POU6F2: variants seen among roughly 807,000 people sequenced by gnomAD.
The protein encoded by POU6F2 is POU domain, class 6, transcription factor 2.
A neutral mutation model predicts 71.3 loss-of-function variants in POU6F2; 31 were observed. The ratio of observed to expected loss-of-function variants is 0.43; its 90% CI spans 0.33 to 0.59. The LOEUF is 0.59. Ranked by LOEUF, POU6F2 falls within the 20% of genes least tolerant of loss-of-function variation. The probability of loss-of-function intolerance (pLI) is 0.04; values close to 1 mark genes in which losing one functional copy is unlikely to be tolerated. For missense variants in POU6F2, 783 were observed against 856.8 expected (o/e 0.91, Z 1.07); for synonymous variants, 347 against 355.7 (o/e 0.98, Z 0.27).
At chr7:39,221,104 G>T (rs2128748362) in intron 4 of POU6F2, among the ~76,000 whole-genome samples, 1 of 151,956 alleles carries the variant, frequency 6.6e-6, no homozygotes, top group African/African-American at 2.4e-5. Flanking sequence ...TGCATGGGTG[G>T]CTCCCATTTG....
At chr7:39,049,812 T>A (rs1035665119) in intron 1 of POU6F2, among the ~76,000 whole-genome samples, 1 of 152,036 alleles carries the variant, frequency 6.6e-6, no homozygotes, top group African/African-American at 2.4e-5. Flanking sequence ...ATAATTTCCC[T>A]TAATTATTTA....
intron 2 of POU6F2, among the ~76,000 whole-genome samples, chr7:39,194,414 T>G (rs1793735766): frequency 6.6e-6 from 1 of 152,198 alleles, no homozygotes; most frequent in Non-Finnish European, 1.5e-5. Context: ...CTGGGTCAGG[T>G]GGGGACTTGG....
At chr7:39,034,387 G>A (rs988124391) in intron 1 of POU6F2, 8 of 309,468 alleles carry the variant, frequency 2.6e-5, no homozygotes, top group South Asian at 2.0e-4. Context: ...GTAGGAGAGA[G>A]GGGGGAGGCA....
chr7:39,423,465 A>G lies in POU6F2; in HGVS notation c.1114-9612A>G, dbSNP rs546382586. On this transcript the variant is annotated intron_variant, in intron 6 of 9. Transcript: ENST00000518318. The stretch of plus-strand genomic sequence containing the variant: ...CCAGGCACACAGGAGGCCCTCAGAA[A>G]GGATTTGCTGAGTGAGTGAGTGAGT... Among the ~76,000 whole-genome samples, 65 of 152,262 alleles carry G rather than the reference A, an allele frequency of 4.3e-4. No homozygotes were observed. In the South Asian group the frequency reaches 7.1e-3, roughly 17 times the overall value.
chr7:39,300,954 T>C (rs1274306101), intron 4 of POU6F2, among the ~76,000 whole-genome samples: 1 of 152,234 alleles, frequency 6.6e-6, no homozygotes, highest in African/African-American at 2.4e-5. Context: ...TTTGCAAAGT[T>C]ATTTTCCTTG....
rs1011914196 is a variant in POU6F2 at position 39,171,846 on chromosome 7, G to A, written c.278-32389G>A. On this transcript the variant is annotated intron_variant, in intron 2 of 9. Coordinates refer to ENST00000518318, the MANE Select transcript of POU6F2 (RefSeq NM_001370959.1). ...AGTGTTAAAAAACTTTTCAAGTCAA[G>A]AGAGACTTCTGTATATTTAACTTAC... Among the ~76,000 whole-genome samples the A allele has an allele frequency of 2.0e-5, 3 of 152,208 alleles. 1 individual carries two copies. Among genetic ancestry groups the A allele is most frequent in the African/African-American group, 7.2e-5 (3 of 41,448 alleles).
At chr7:39,397,583 C>T (rs190697646) in intron 5 of POU6F2, among the ~76,000 whole-genome samples, 1 of 148,750 alleles carries the variant, frequency 6.7e-6, no homozygotes, top group Non-Finnish European at 1.5e-5. Context: ...ACCTTCGCCT[C>T]CCGGGCTCAA....
At chr7:39,108,869 G>A (rs919290035) in intron 2 of POU6F2, among the ~76,000 whole-genome samples, 10 of 152,094 alleles carry the variant, frequency 6.6e-5, no homozygotes, top group African/African-American at 2.4e-4. Flanking sequence ...GCAACACAAA[G>A]TATATATTTT....
At chr7:39,366,256 C>T (rs1461247547) in intron 5 of POU6F2, among the ~76,000 whole-genome samples, 1 of 152,060 alleles carries the variant, frequency 6.6e-6, no homozygotes, top group Non-Finnish European at 1.5e-5. Context: ...CAGAGCATGA[C>T]CTTGGGAGAT....
chr7:39,434,652 A>C (rs1350935362), intron 7 of POU6F2, among the ~76,000 whole-genome samples: 1 of 149,014 alleles, frequency 6.7e-6, no homozygotes, highest in Non-Finnish European at 1.5e-5. Flanking sequence ...ACTTCTTCTA[A>C]AAAAAAAAGC....
rs1258978907 is a variant in POU6F2, at chr7:39,467,329, A to G, written c.*2643A>G. ...GAATATAAATTATACTGTGTAACTC[A>G]TAAGTCTTTGGGACCACACCTAATG... On this transcript the variant is annotated 3_prime_UTR_variant, in exon 10 of 10. Transcript: ENST00000518318. 6.6e-6 allele frequency: 1 copy of G among 152,238 alleles called. No homozygotes were observed. The highest frequency in any genetic ancestry group is 1.5e-5 in the Non-Finnish European group (1 of 68,042). 9.4% of individuals were successfully genotyped at this position (152,238 alleles called of 1,614,324 possible). A position where few individuals can be genotyped will look rare whatever the true frequency, so the allele number is the denominator to read the frequency against.
intron 1 of POU6F2, among the ~76,000 whole-genome samples, chr7:38,998,911 G>A (rs911064292): frequency 1.3e-5 from 2 of 148,322 alleles, no homozygotes; most frequent in African/African-American, 5.0e-5. Context: ...TGATCCGCCC[G>A]CCTCGGCCTC....
At chr7:39,062,964 A>G (rs1209702776) in intron 1 of POU6F2, among the ~76,000 whole-genome samples, 1 of 152,048 alleles carries the variant, frequency 6.6e-6, no homozygotes, top group African/African-American at 2.4e-5. Flanking sequence ...GATCTGAGAA[A>G]CAGACATGGC....
At chr7:39,042,303 A>G (rs535788004) in intron 1 of POU6F2, among the ~76,000 whole-genome samples, 59 of 152,114 alleles carry the variant, frequency 3.9e-4, no homozygotes, top group Non-Finnish European at 6.8e-4. Context: ...TTCCTGGTTC[A>G]TGGGAGGATT....
At chr7:39,375,027 A>G (rs535887594) in intron 5 of POU6F2, among the ~76,000 whole-genome samples, 2 of 152,260 alleles carry the variant, frequency 1.3e-5, no homozygotes, top group East Asian at 1.9e-4. Flanking sequence ...AGCAGAAACA[A>G]TTTTCCCAGC....
chr7:39,247,089 C>T (rs562706774), intron 4 of POU6F2, among the ~76,000 whole-genome samples: 5 of 152,086 alleles, frequency 3.3e-5, no homozygotes, highest in Admixed American at 3.3e-4. Context: ...ATGGTCCAAG[C>T]TCTGTGCGTG....
intron 1 of POU6F2, among the ~76,000 whole-genome samples, chr7:39,024,715 A>T (rs1225808967): frequency 6.6e-6 from 1 of 152,112 alleles, no homozygotes; most frequent in African/African-American, 2.4e-5. Context: ...TTTAGCACCA[A>T]TGATGTTGAA....
At chr7:39,206,323 C>T (rs1794011533) in intron 3 of POU6F2, among the ~76,000 whole-genome samples, 2 of 152,210 alleles carry the variant, frequency 1.3e-5, no homozygotes, top group Admixed American at 1.3e-4. Context: ...GAAGAGCCCA[C>T]GTGCTGCACT....
intron 4 of POU6F2, among the ~76,000 whole-genome samples, chr7:39,327,816 A>G (rs1165952549): frequency 2.0e-5 from 3 of 151,930 alleles, no homozygotes; most frequent in Non-Finnish European, 1.5e-5. Context: ...CCCCCCGCCA[A>G]TAATATTAGT....
Sources: gnomAD v4.1 joint callset for allele counts (sites outside exome capture counted in the v4.1 genomes callset) on GRCh38, gnomAD v4.1.1 for gene constraint, MANE v1.5 for transcripts, NCBI Gene and HGNC (gene_info 2026-07-23, HGNC 2026-07-21) for gene names.